ACACA: variants seen among roughly 807,000 people sequenced by gnomAD.
ACACA encodes the protein acetyl-CoA carboxylase alpha, also known as acetyl-CoA carboxylase 1.
A neutral mutation model predicts 296.1 loss-of-function variants in ACACA; 103 were observed. That is an observed-to-expected ratio of 0.35 (90% CI 0.30 to 0.41). The LOEUF (loss-of-function observed/expected upper bound fraction) is 0.41. ACACA is among the 10% of genes least tolerant of loss of function. The pLI, the probability that ACACA is intolerant of heterozygous loss-of-function variation, is 1.00. For synonymous variants in ACACA, 953 were observed against 1,038.6 expected, an observed-to-expected ratio of 0.92 and a Z score of 1.58; for missense variants, 1,554 against 2,989.7, an observed-to-expected ratio of 0.52 and a Z score of 11.20.
At chr17:37,199,578 T>C (rs1256492514) in intron 35 of ACACA, among the ~76,000 whole-genome samples, 1 of 152,170 alleles carries the variant, frequency 6.6e-6, no homozygotes, top group African/African-American at 2.4e-5. Context: ...ACGATTAACA[T>C]AAGACAAAAA....
chr17:37,299,177 A>T, intron 3 of ACACA: 5 of 1,248,554 alleles, frequency 4.0e-6, no homozygotes, highest in Non-Finnish European at 5.6e-6. Context: ...TTTTTTAAAG[A>T]TAGAAAAAAA....
chr17:37,150,729 G>A (rs1378610520), intron 44 of ACACA, among the ~76,000 whole-genome samples: 1 of 151,996 alleles, frequency 6.6e-6, no homozygotes, highest in African/African-American at 2.4e-5. Flanking sequence ...CTCTAGCCTG[G>A]GTGATAGAGT....
intron 2 of ACACA, among the ~76,000 whole-genome samples, chr17:37,331,246 T>C (rs1288509181): frequency 2.1e-5 from 3 of 143,516 alleles, no homozygotes. Flanking sequence ...GCCTCCTGAG[T>C]ACCTGGGACT....
At chr17:37,361,773 A>C (rs920298317) in intron 1 of ACACA, among the ~76,000 whole-genome samples, 3 of 152,190 alleles carry the variant, frequency 2.0e-5, no homozygotes, top group African/African-American at 7.2e-5. Context: ...TTATTGCTAC[A>C]CAAGCTATTA....
intron 16 of ACACA, among the ~76,000 whole-genome samples, chr17:37,249,871 T>A (rs2080899681): frequency 6.6e-6 from 1 of 152,200 alleles, no homozygotes; most frequent in Non-Finnish European, 1.5e-5. Flanking sequence ...ACGGACCCAG[T>A]GGGAGATACT....
At chr17:37,349,705 C>A (rs1319483262) in intron 1 of ACACA, among the ~76,000 whole-genome samples, 1 of 151,284 alleles carries the variant, frequency 6.6e-6, no homozygotes, top group Non-Finnish European at 1.5e-5. Flanking sequence ...TACAGGTACC[C>A]ACCACTTCAC....
At chr17:37,388,554 G>T in intron 1 of ACACA, 2 of 1,234,128 alleles carry the variant, frequency 1.6e-6, no homozygotes, top group Non-Finnish European at 1.1e-6. Flanking sequence ...TCTGCCTCTG[G>T]GTTAGTCTGG....
At chr17:37,292,091 G>T (rs966144862) in intron 3 of ACACA, among the ~76,000 whole-genome samples, 5 of 152,022 alleles carry the variant, frequency 3.3e-5, no homozygotes, top group Non-Finnish European at 7.4e-5. Flanking sequence ...GCGGAAATGT[G>T]TTACCTGTTC....
intron 33 of ACACA, among the ~76,000 whole-genome samples, chr17:37,205,425 C>T (rs2078452824): frequency 6.6e-6 from 1 of 151,976 alleles, no homozygotes. Context: ...CAGAAGGGAC[C>T]TAAGGGGAGT....
chr17:37,149,826 T>A (rs1167807002), intron 45 of ACACA, 38 bp downstream of exon 45: 8 of 1,533,240 alleles, frequency 5.2e-6, no homozygotes, highest in Non-Finnish European at 6.3e-6. Context: ...TAATCTTCAA[T>A]CAGCTATGCA....
Position 37,086,995 on chromosome 17 carries a change from C to T in ACACA, c.*321G>A. On this transcript the variant is annotated 3_prime_UTR_variant, in exon 56 of 56. Transcript: ENST00000616317. Reference sequence around the variant, plus strand: ...CAAGGGGCTGTCAGGACAGGAGGGGCAGCCCTACTTTGGTTAGTAAGACCT... The same window carrying T: ...CAAGGGGCTGTCAGGACAGGAGGGGTAGCCCTACTTTGGTTAGTAAGACCT... 2.4e-6 allele frequency: 1 copy of T among 414,022 alleles called. No individual in the cohort carries two copies. The highest frequency in any genetic ancestry group is 4.6e-6 in the Non-Finnish European group (1 of 219,682). The allele number at this position is 414,022 out of a possible 1,614,324, so 25.6% of individuals were successfully genotyped here.
intron 1 of ACACA, among the ~76,000 whole-genome samples, chr17:37,352,861 G>T (rs1337814216): frequency 1.3e-5 from 2 of 152,154 alleles, no homozygotes; most frequent in African/African-American, 4.8e-5. Context: ...ACATTTACAG[G>T]TTAAAGCAAA....
At chr17:37,221,641 T>C (rs921501683) in intron 29 of ACACA, 83 bp downstream of exon 29, 2 of 1,167,124 alleles carry the variant, frequency 1.7e-6, no homozygotes, top group African/African-American at 3.0e-5. Flanking sequence ...TAAAAAAACA[T>C]GGAATTGTCA....
At chr17:37,284,712 T>G in intron 4 of ACACA, 126 bp downstream of exon 4, 1 of 1,283,366 alleles carries the variant, frequency 7.8e-7, no homozygotes, top group East Asian at 2.3e-5. Context: ...AAGGCTAAAA[T>G]TCACATAAAG....
chr17:37,201,141 T>G (rs1348302565), intron 33 of ACACA, among the ~76,000 whole-genome samples: 1 of 152,172 alleles, frequency 6.6e-6, no homozygotes, highest in Non-Finnish European at 1.5e-5. Flanking sequence ...GACTAGTATA[T>G]TAGAAGTCAA....
intron 3 of ACACA, among the ~76,000 whole-genome samples, chr17:37,286,454 G>A (rs1228594153): frequency 6.6e-6 from 1 of 152,108 alleles, no homozygotes; most frequent in Non-Finnish European, 1.5e-5. Flanking sequence ...GCTGTGCTCT[G>A]TGACAATGGG....
chr17:37,161,813 C>T lies in ACACA; in HGVS notation c.5317G>A (p.Val1773Met), dbSNP rs756074922. The stretch of plus-strand genomic sequence containing the variant: ...GGATCCTCAGGATCTACCCAGGCCA[C>T]ATGAAACATATGGCGAATTTCTTCT... ...LAEEIRHMFHVAWVDPEDPYK... is the reference protein window; with the variant it reads ...LAEEIRHMFHMAWVDPEDPYK... The change falls in exon 42 of 56, where the codon GTG becomes ATG. Residue 1773 changes from valine (V) to methionine (M), a missense_variant. Coordinates refer to ENST00000616317, the MANE Select transcript of ACACA (RefSeq NM_198834.3). 1 of 1,613,370 alleles carries T rather than the reference C, an allele frequency of 6.2e-7. No individual in the cohort carries two copies. The highest frequency in any genetic ancestry group is 2.2e-5 in the East Asian group (1 of 44,888).
chr17:37,285,391 A>G (rs1355651102), intron 3 of ACACA, among the ~76,000 whole-genome samples: 1 of 152,176 alleles, frequency 6.6e-6, no homozygotes, highest in Non-Finnish European at 1.5e-5. Flanking sequence ...ACTGCCTACT[A>G]AATGTTTTAC....
rs758995320 is a variant in ACACA at position 37,289,503 on chromosome 17, T to G, written c.339-4533A>C. The G allele has an allele frequency of 4.4e-6, 6 of 1,351,902 alleles. No individual in the cohort carries two copies. The South Asian group carries it at 6.8e-5, about 15-fold the overall frequency. 83.7% of individuals were successfully genotyped at this position (1,351,902 alleles called of 1,614,324 possible). ...TCTTCAACCCTCTAGGCACCTCCAC[T>G]TCATATCCCACGAGTATTTCAAAGT... On this transcript the variant is annotated intron_variant, in intron 3 of 55. Coordinates refer to ENST00000616317, the MANE Select transcript of ACACA (RefSeq NM_198834.3).
Sources: allele counts gnomAD v4.1 joint callset (sites outside exome capture counted in the v4.1 genomes callset), GRCh38; gene constraint gnomAD v4.1.1; transcripts MANE v1.5; gene names NCBI Gene and HGNC (gene_info 2026-07-23, HGNC 2026-07-21).